The following MYO3B variants were observed in gnomAD, a reference collection of about 807,000 sequenced individuals.
The protein encoded by MYO3B is myosin IIIB, also known as myosin-IIIb.
MYO3B carries 156 observed loss-of-function variants against 174.6 expected under a neutral mutation model. The observed-to-expected ratio is 0.89, with a 90% CI of 0.78 to 1.02. MYO3B has a LOEUF of 1.02. Ranked by LOEUF, MYO3B falls within the 50% of genes least tolerant of loss-of-function variation. The pLI is 0.00. For synonymous variants in MYO3B, 563 were observed against 569.1 expected, an observed-to-expected ratio of 0.99 and a Z score of 0.15; for missense variants, 1,632 against 1,639.4, an observed-to-expected ratio of 1.00 and a Z score of 0.08.
chr2:170,254,951 A>G (rs2093291109), intron 7 of MYO3B, among the ~76,000 whole-genome samples: 1 of 152,154 alleles, frequency 6.6e-6, no homozygotes, highest in South Asian at 2.1e-4. Context: ...TGGGGCAGAC[A>G]CTGGAGGGAG....
At chr2:170,450,331 T>C (rs780708124) in intron 23 of MYO3B, among the ~76,000 whole-genome samples, 2 of 152,252 alleles carry the variant, frequency 1.3e-5, no homozygotes, top group Admixed American at 6.5e-5. Flanking sequence ...GAAAAAGACA[T>C]ACTTTATAAT....
At chr2:170,208,247 G>C (rs2092734523) in intron 3 of MYO3B, among the ~76,000 whole-genome samples, 1 of 152,208 alleles carries the variant, frequency 6.6e-6, no homozygotes, top group South Asian at 2.1e-4. Context: ...CTCGGAGAAG[G>C]GGTGTTGCAT....
At chr2:170,590,391 T>C (rs531153546) in intron 32 of MYO3B, among the ~76,000 whole-genome samples, 11 of 152,254 alleles carry the variant, frequency 7.2e-5, no homozygotes, top group Admixed American at 2.0e-4. Context: ...TACTCCTTCA[T>C]ATTTTGGTTT....
At chr2:170,338,946 T>C (rs2093961713) in intron 8 of MYO3B, among the ~76,000 whole-genome samples, 1 of 152,224 alleles carries the variant, frequency 6.6e-6, no homozygotes, top group Non-Finnish European at 1.5e-5. Flanking sequence ...CTGCTGATAC[T>C]AGGCTGCCAT....
chr2:170,384,695 T>C (rs931549565), intron 12 of MYO3B, among the ~76,000 whole-genome samples: 2 of 152,164 alleles, frequency 1.3e-5, no homozygotes, highest in Non-Finnish European at 2.9e-5. Flanking sequence ...GAGAGAAATA[T>C]ATATCGTTTT....
chr2:170,255,111 C>T (rs567085879), intron 7 of MYO3B, among the ~76,000 whole-genome samples: 24 of 152,322 alleles, frequency 1.6e-4, no homozygotes, highest in African/African-American at 1.2e-4. Flanking sequence ...ATCACCAGAA[C>T]GCCTGCACAC....
intron 32 of MYO3B, among the ~76,000 whole-genome samples, chr2:170,608,044 C>T (rs1694920193): frequency 6.6e-6 from 1 of 152,138 alleles, no homozygotes; most frequent in Admixed American, 6.6e-5. Flanking sequence ...TCCAGAAATG[C>T]TTATGAAGTT....
intron 6 of MYO3B, 54 bp downstream of exon 6, chr2:170,217,449 A>C (rs1306785484): frequency 4.3e-6 from 6 of 1,397,346 alleles, no homozygotes; most frequent in Non-Finnish European, 6.1e-6. Flanking sequence ...CCTTGGTACT[A>C]TGCCTTTTTA....
chr2:170,223,086 C>T (rs1188196692), intron 6 of MYO3B, among the ~76,000 whole-genome samples: 2 of 152,036 alleles, frequency 1.3e-5, no homozygotes, highest in Non-Finnish European at 2.9e-5. Context: ...CGCCCAACAC[C>T]CCCAGACTTT....
At chr2:170,612,154 G>A (rs112034708) in intron 32 of MYO3B, among the ~76,000 whole-genome samples, 2 of 152,286 alleles carry the variant, frequency 1.3e-5, no homozygotes, top group African/African-American at 4.8e-5. Context: ...CTAATGCATT[G>A]TCTTGTCTGT....
At chr2:170,299,280 T>C (rs2093649423) in intron 7 of MYO3B, among the ~76,000 whole-genome samples, 1 of 152,118 alleles carries the variant, frequency 6.6e-6, no homozygotes, top group Admixed American at 6.5e-5. Context: ...GAGTGGTAAA[T>C]AAATGCCTGA....
At chr2:170,533,801 A>G (rs899805481) in intron 30 of MYO3B, among the ~76,000 whole-genome samples, 4 of 152,112 alleles carry the variant, frequency 2.6e-5, no homozygotes, top group African/African-American at 7.2e-5. Flanking sequence ...AATTATTTTA[A>G]AACCTTGTCT....
At chr2:170,585,416 A>T (rs1693440474) in intron 32 of MYO3B, among the ~76,000 whole-genome samples, 1 of 152,122 alleles carries the variant, frequency 6.6e-6, no homozygotes, top group Admixed American at 6.5e-5. Context: ...CCCCTCTGAA[A>T]GCTTCAGACA....
intron 32 of MYO3B, among the ~76,000 whole-genome samples, chr2:170,546,910 T>C (rs1690532942): frequency 6.6e-6 from 1 of 151,956 alleles, no homozygotes; most frequent in African/African-American, 2.4e-5. Flanking sequence ...TCTGGTGAGG[T>C]GAGAGTGAGA....
At chr2:170,630,449 G>A (rs1696856219) in intron 32 of MYO3B, among the ~76,000 whole-genome samples, 1 of 152,198 alleles carries the variant, frequency 6.6e-6, no homozygotes, top group Non-Finnish European at 1.5e-5. Flanking sequence ...GCCTGCCTCT[G>A]TAGACTCCAC....
intron 7 of MYO3B, among the ~76,000 whole-genome samples, chr2:170,289,003 A>G (rs2093577061): frequency 6.6e-6 from 1 of 152,078 alleles, no homozygotes; most frequent in Non-Finnish European, 1.5e-5. Flanking sequence ...CGTGTGTTGT[A>G]TTACATTTAT....
rs114349107 is a variant in MYO3B, at chr2:170,214,472, G to A, written c.415G>A (p.Gly139Arg). 2.7e-3 allele frequency: 4,420 copies of A among 1,613,988 alleles called. 12 individuals are homozygous for A. The highest frequency in any genetic ancestry group is 3.5e-3 in the Non-Finnish European group (4,156 of 1,179,936). ...AGCAATGATCTCATACATCTTGTAC[G>A]GGGCCCTCTTGGTAAGAACATCTAT... ...DEAMISYILY[G>R]ALLGLQHLHN... Residue 139 changes from glycine (G) to arginine (R), a missense_variant, in exon 4 of 35, where the codon GGG becomes AGG. Coordinates refer to ENST00000408978, the MANE Select transcript of MYO3B (RefSeq NM_138995.5).
At chr2:170,547,809 G>A (rs909389651) in intron 32 of MYO3B, among the ~76,000 whole-genome samples, 2 of 152,170 alleles carry the variant, frequency 1.3e-5, no homozygotes, top group African/African-American at 2.4e-5. Context: ...AAGCAGACAA[G>A]TAAGTCAATT....
At chr2:170,279,641 A>C (rs1319531646) in intron 7 of MYO3B, among the ~76,000 whole-genome samples, 1 of 151,972 alleles carries the variant, frequency 6.6e-6, no homozygotes, top group African/African-American at 2.4e-5. Flanking sequence ...AGTAGGCCTC[A>C]GTGTCTGTTG....
Sources: allele counts gnomAD v4.1 joint callset (sites outside exome capture counted in the v4.1 genomes callset), GRCh38; gene constraint gnomAD v4.1.1; transcripts MANE v1.5; gene names NCBI Gene and HGNC (gene_info 2026-07-23, HGNC 2026-07-21).